Variants in HDAC9 observed in about 807,000 individuals in gnomAD.
HDAC9 encodes the protein MEF-2 interacting transcription repressor (MITR) protein.
A neutral mutation model predicts 139.4 loss-of-function variants in HDAC9; 41 were observed. The ratio of observed to expected loss-of-function variants is 0.29; its 90% CI spans 0.23 to 0.38. HDAC9 has a LOEUF of 0.38. Among genes scored for constraint, HDAC9 ranks in the 10% least tolerant of loss-of-function variants. HDAC9 has a pLI of 1.00. For missense variants in HDAC9, 1,147 were observed against 1,297.0 expected (o/e 0.88, Z 1.78); for synonymous variants, 517 against 476.2 (o/e 1.09, Z -1.12).
At chr7:18,529,196 C>A (rs1393136333) in intron 2 of HDAC9, among the ~76,000 whole-genome samples, 1 of 149,062 alleles carries the variant, frequency 6.7e-6, no homozygotes, top group Admixed American at 6.6e-5. Flanking sequence ...AAAAAAAAAT[C>A]TTTTGAAAAA....
chr7:18,600,333 T>C (rs984750249), intron 6 of HDAC9, among the ~76,000 whole-genome samples: 2 of 152,214 alleles, frequency 1.3e-5, no homozygotes, highest in Admixed American at 1.3e-4. Flanking sequence ...TCATCGATCA[T>C]GCTTTTAGTT....
intron 1 of HDAC9, among the ~76,000 whole-genome samples, chr7:18,384,520 A>G (rs535093142): frequency 1.4e-4 from 21 of 152,266 alleles, no homozygotes; most frequent in African/African-American, 4.6e-4. Flanking sequence ...TTTCAATATC[A>G]AATATTCAAT....
chr7:18,400,724 A>G (rs185634232), intron 1 of HDAC9, among the ~76,000 whole-genome samples: 14 of 152,280 alleles, frequency 9.2e-5, no homozygotes, highest in East Asian at 1.9e-4. Flanking sequence ...ACTCTACTGG[A>G]TAGGAGAGGC....
chr7:18,806,092 C>T (rs924415793), intron 17 of HDAC9, among the ~76,000 whole-genome samples: 1 of 151,706 alleles, frequency 6.6e-6, no homozygotes, highest in African/African-American at 2.4e-5. Context: ...GAGACTATTT[C>T]TATAGTAAAA....
intron 2 of HDAC9, among the ~76,000 whole-genome samples, chr7:18,188,429 G>A (rs2108516): frequency 0.48 from 73,523 of 151,996 alleles, 18,855 homozygotes; most frequent in African/African-American, 0.65. Context: ...CATTCAGGAC[G>A]TAGGCATGAG....
intron 16 of HDAC9, among the ~76,000 whole-genome samples, chr7:18,773,639 T>C (rs1278256893): frequency 1.3e-5 from 2 of 152,066 alleles, no homozygotes; most frequent in African/African-American, 4.8e-5. Flanking sequence ...ATCTACTGAT[T>C]GCTACTTCTG....
At chr7:18,607,377 G>A (rs1005218208) in intron 6 of HDAC9, among the ~76,000 whole-genome samples, 1 of 152,202 alleles carries the variant, frequency 6.6e-6, no homozygotes, top group Non-Finnish European at 1.5e-5. Context: ...TTCTAGCTTG[G>A]CACTTTTGAT....
chr7:18,272,983 T>TCTC (rs1181014994), intron 2 of HDAC9, among the ~76,000 whole-genome samples: 16 of 146,188 alleles, frequency 1.1e-4, no homozygotes, highest in South Asian at 2.1e-4. Context: ...TCCTCCTCTT[T>TCTC]CTCCTCCTCC....
chr7:18,638,373 G>A (rs906340835), intron 8 of HDAC9, among the ~76,000 whole-genome samples: 5 of 152,054 alleles, frequency 3.3e-5, no homozygotes, highest in African/African-American at 1.2e-4. Flanking sequence ...TAGATAAAGG[G>A]AAGACAGAAG....
At chr7:18,255,698 G>T (rs147495932) in intron 2 of HDAC9, among the ~76,000 whole-genome samples, 178 of 135,256 alleles carry the variant, frequency 1.3e-3, no homozygotes, top group African/African-American at 4.8e-3. Context: ...ACGTGATTTC[G>T]GCTCACTGCA....
chr7:18,418,923 C>G (rs370964298), intron 1 of HDAC9, among the ~76,000 whole-genome samples: 1 of 152,060 alleles, frequency 6.6e-6, no homozygotes, highest in East Asian at 1.9e-4. Context: ...GATTGATTAC[C>G]TAAGACTATT....
chr7:18,992,530 G>T (rs986565076), intron 25 of HDAC9, among the ~76,000 whole-genome samples: 6 of 152,144 alleles, frequency 3.9e-5, no homozygotes, highest in African/African-American at 1.4e-4. Context: ...AGGAAGAGGA[G>T]TAGAAGTAAG....
chr7:18,538,135 T>C (rs1303553738), intron 2 of HDAC9, among the ~76,000 whole-genome samples: 1 of 152,226 alleles, frequency 6.6e-6, no homozygotes, highest in Non-Finnish European at 1.5e-5. Flanking sequence ...TTCTCTGGCA[T>C]TCACCCTGAA....
chr7:18,416,401 A>T (rs191501194), intron 1 of HDAC9, among the ~76,000 whole-genome samples: 4 of 152,126 alleles, frequency 2.6e-5, no homozygotes, highest in Admixed American at 2.6e-4. Context: ...TCAGGTTTTG[A>T]TTATTAGAGT....
At chr7:18,641,284 A>G (rs1244922727) in intron 8 of HDAC9, among the ~76,000 whole-genome samples, 5 of 152,092 alleles carry the variant, frequency 3.3e-5, no homozygotes, top group African/African-American at 1.2e-4. Context: ...GATTTTGAAG[A>G]GCCTTAGTAA....
At chr7:18,561,757 T>C (rs376125547) in intron 2 of HDAC9, among the ~76,000 whole-genome samples, 23 of 152,348 alleles carry the variant, frequency 1.5e-4, no homozygotes, top group African/African-American at 5.5e-4. Flanking sequence ...TTTACCCATA[T>C]TGTAGCATGT....
intron 22 of HDAC9, among the ~76,000 whole-genome samples, chr7:18,923,345 C>T (rs529947121): frequency 3.3e-5 from 5 of 152,190 alleles, no homozygotes; most frequent in South Asian, 4.1e-4. Flanking sequence ...AATGCATCTG[C>T]GAGCTTCTTT....
chr7:18,934,870 C>G (rs536397492), intron 22 of HDAC9, among the ~76,000 whole-genome samples: 1 of 151,920 alleles, frequency 6.6e-6, no homozygotes, highest in Non-Finnish European at 1.5e-5. Context: ...TTATTTGTAA[C>G]GACAAAAAAA....
At chr7:18,252,883 C>A (rs1795007473) in intron 2 of HDAC9, among the ~76,000 whole-genome samples, 1 of 152,078 alleles carries the variant, frequency 6.6e-6, no homozygotes, top group Admixed American at 6.6e-5. Flanking sequence ...TAAGCCTAGT[C>A]CCCATTAGCT....
Sources: gnomAD v4.1 joint callset for allele counts (sites outside exome capture counted in the v4.1 genomes callset) on GRCh38, gnomAD v4.1.1 for gene constraint, MANE v1.5 for transcripts, NCBI Gene and HGNC (gene_info 2026-07-23, HGNC 2026-07-21) for gene names.